ESR1: variants seen among roughly 807,000 people sequenced by gnomAD.
ESR1 encodes the protein estrogen receptor 1.
A neutral mutation model predicts 52.7 loss-of-function variants in ESR1; 12 were observed. The ratio of observed to expected loss-of-function variants is 0.23; its 90% confidence interval spans 0.15 to 0.37. ESR1 has a LOEUF of 0.37. ESR1 is among the 10% of genes least tolerant of loss of function. The pLI is 1.00. For missense variants in ESR1, 584 were observed against 779.7 expected (o/e 0.75, Z 2.99); for synonymous variants, 305 against 316.8 (o/e 0.96, Z 0.39).
intron 1 of ESR1, among the ~76,000 whole-genome samples, chr6:151,693,286 G>A (rs981758073): frequency 1.3e-5 from 2 of 152,192 alleles, no homozygotes; most frequent in Non-Finnish European, 2.9e-5. Context: ...CACCAAAGCT[G>A]CTAGGAATTT....
At chr6:151,757,442 C>T (rs1043705426) in intron 2 of ESR1, among the ~76,000 whole-genome samples, 2 of 152,118 alleles carry the variant, frequency 1.3e-5, no homozygotes, top group African/African-American at 4.8e-5. Context: ...CCTTTCTTCT[C>T]ATCTTCCTTT....
intron 3 of ESR1, among the ~76,000 whole-genome samples, chr6:151,885,014 T>G (rs1793614183): frequency 6.6e-6 from 1 of 150,964 alleles, no homozygotes; most frequent in South Asian, 2.1e-4. Flanking sequence ...ATAAACTCCA[T>G]GATGGCGCGG....
At chr6:151,744,122 AT>A (rs1429078909) in intron 2 of ESR1, among the ~76,000 whole-genome samples, 28 of 152,162 alleles carry the variant, frequency 1.8e-4, no homozygotes, top group Non-Finnish European at 4.0e-4. Flanking sequence ...TACTATATAA[AT>A]ATACTTCATT....
intron 5 of ESR1, among the ~76,000 whole-genome samples, chr6:152,023,704 C>T (rs2043882793): frequency 6.6e-6 from 1 of 152,172 alleles, no homozygotes; most frequent in Non-Finnish European, 1.5e-5. Context: ...GAATTTATAA[C>T]AATTTCCACT....
intron 2 of ESR1, among the ~76,000 whole-genome samples, chr6:151,873,539 G>A (rs1182564365): frequency 6.6e-6 from 1 of 152,152 alleles, no homozygotes; most frequent in African/African-American, 2.4e-5. Flanking sequence ...ACTCAGGCCT[G>A]GGCAGTTGCT....
intron 6 of ESR1, among the ~76,000 whole-genome samples, chr6:152,083,125 A>G (rs1289481362): frequency 1.3e-5 from 2 of 152,162 alleles, no homozygotes; most frequent in Non-Finnish European, 2.9e-5. Context: ...TTTAAAGCTC[A>G]CATGGAACCA....
At chr6:151,709,264 A>C (rs1780405716) in intron 2 of ESR1, among the ~76,000 whole-genome samples, 1 of 152,166 alleles carries the variant, frequency 6.6e-6, no homozygotes, top group Non-Finnish European at 1.5e-5. Flanking sequence ...TATTTCACTT[A>C]ATATAATGTG....
intron 5 of ESR1, among the ~76,000 whole-genome samples, chr6:152,040,361 A>G (rs979168058): frequency 6.6e-6 from 1 of 152,076 alleles, no homozygotes; most frequent in African/African-American, 2.4e-5. Flanking sequence ...CATCCAATCC[A>G]CTTGATTATT....
At chr6:151,937,849 T>C (rs182819946) in intron 3 of ESR1, among the ~76,000 whole-genome samples, 2 of 152,236 alleles carry the variant, frequency 1.3e-5, no homozygotes, top group Non-Finnish European at 2.9e-5. Flanking sequence ...CTGCCCGTGG[T>C]ATGACCTTGA....
At chr6:151,772,236 G>A (rs1260191208) in intron 2 of ESR1, among the ~76,000 whole-genome samples, 1 of 152,116 alleles carries the variant, frequency 6.6e-6, no homozygotes, top group Non-Finnish European at 1.5e-5. Context: ...GTACCTGTAG[G>A]GGTCTCAGTT....
chr6:152,039,806 C>T (rs569396029), intron 5 of ESR1, among the ~76,000 whole-genome samples: 105 of 152,276 alleles, frequency 6.9e-4, no homozygotes, highest in African/African-American at 2.4e-3. Context: ...GCCATTCCAC[C>T]GTTCTATCAA....
At chr6:151,744,585 G>GT (rs1390339654) in intron 2 of ESR1, among the ~76,000 whole-genome samples, 3 of 152,062 alleles carry the variant, frequency 2.0e-5, no homozygotes, top group African/African-American at 7.2e-5. Context: ...TTGTTGAGTT[G>GT]TAAGGATTCG....
downstream of ESR1, among the ~76,000 whole-genome samples, chr6:152,105,880 C>T (rs368386955): frequency 1.4e-4 from 20 of 144,770 alleles, no homozygotes; most frequent in East Asian, 4.1e-4. Flanking sequence ...CTCCGCTTCC[C>T]GGGTTCACGC....
At chr6:151,758,360 C>T (rs1212772354) in intron 2 of ESR1, among the ~76,000 whole-genome samples, 1 of 152,144 alleles carries the variant, frequency 6.6e-6, no homozygotes, top group Non-Finnish European at 1.5e-5. Flanking sequence ...AGCTGTTCTA[C>T]AATACTTCAA....
intron 6 of ESR1, among the ~76,000 whole-genome samples, chr6:152,075,582 TA>T (rs2128996388): frequency 6.6e-6 from 1 of 152,324 alleles, no homozygotes; most frequent in South Asian, 2.1e-4. Flanking sequence ...GTTATCTTTT[TA>T]AAAATAATCA....
intron 6 of ESR1, among the ~76,000 whole-genome samples, chr6:152,066,683 C>T (rs576449911): frequency 1.3e-5 from 2 of 152,210 alleles, no homozygotes; most frequent in Admixed American, 6.5e-5. Flanking sequence ...AACTTTGGAG[C>T]CTTTCTCTGC....
At chr6:151,797,480 GTC>G (rs1776823167) in intron 2 of ESR1, among the ~76,000 whole-genome samples, 1 of 152,120 alleles carries the variant, frequency 6.6e-6, no homozygotes, top group Non-Finnish European at 1.5e-5. Context: ...TATATTTTCT[GTC>G]TCTAGCATTG....
intron 4 of ESR1, among the ~76,000 whole-genome samples, chr6:152,008,417 A>G (rs1183854078): frequency 6.6e-6 from 1 of 152,122 alleles, no homozygotes; most frequent in Non-Finnish European, 1.5e-5. Flanking sequence ...AACTATTACC[A>G]ACAGACATAC....
downstream of ESR1, among the ~76,000 whole-genome samples, chr6:152,103,945 C>T (rs1189801118): frequency 1.4e-5 from 2 of 145,908 alleles, no homozygotes; most frequent in African/African-American, 5.1e-5. Context: ...CACACAGGCT[C>T]TGCAGCTAGA....
Sources: gnomAD v4.1 joint callset for allele counts (sites outside exome capture counted in the v4.1 genomes callset) on GRCh38, gnomAD v4.1.1 for gene constraint, MANE v1.5 for transcripts, NCBI Gene and HGNC (gene_info 2026-07-23, HGNC 2026-07-21) for gene names.